Variants in RUNX2 observed in about 807,000 individuals in gnomAD.
The protein encoded by RUNX2 is RUNX family transcription factor 2.
RUNX2 carries 10 observed loss-of-function variants against 51.7 expected under a neutral mutation model. That is an observed-to-expected ratio of 0.19 (90% CI 0.12 to 0.33). The LOEUF (loss-of-function observed/expected upper bound fraction) is 0.33. Ranked by LOEUF, RUNX2 falls within the 10% of genes least tolerant of loss-of-function variation. The pLI, the probability that RUNX2 is intolerant of heterozygous loss-of-function variation, is 1.00. For missense variants in RUNX2, 562 were observed against 691.3 expected, an observed-to-expected ratio of 0.81 and a Z score of 2.10; for synonymous variants, 276 against 273.6, an observed-to-expected ratio of 1.01 and a Z score of -0.09.
At chr6:45,371,387 T>C (rs1188183725) in intron 2 of RUNX2, among the ~76,000 whole-genome samples, 1 of 148,152 alleles carries the variant, frequency 6.7e-6, no homozygotes, top group Non-Finnish European at 1.5e-5. Flanking sequence ...TCACCAGTAT[T>C]AGCTCACTTT....
chr6:45,487,420 C>T (rs1481725483), intron 5 of RUNX2, among the ~76,000 whole-genome samples: 1 of 152,172 alleles, frequency 6.6e-6, no homozygotes, highest in Non-Finnish European at 1.5e-5. Flanking sequence ...TTCTATTGCC[C>T]TTTCATCTCT....
intron 6 of RUNX2, 105 bp downstream of exon 6, chr6:45,492,219 G>A (rs547061679): frequency 7.4e-4 from 787 of 1,056,616 alleles, no homozygotes; most frequent in South Asian, 2.1e-3. Flanking sequence ...GCTGTGAAGC[G>A]GCTTATTATT....
intron 7 of RUNX2, among the ~76,000 whole-genome samples, chr6:45,543,327 C>A (rs1203156180): frequency 6.6e-6 from 1 of 152,120 alleles, no homozygotes; most frequent in Admixed American, 6.5e-5. Context: ...TTCAGCAAAG[C>A]CTAATAGCCG....
chr6:45,511,314 G>A (rs1801139290), intron 6 of RUNX2, among the ~76,000 whole-genome samples: 1 of 152,106 alleles, frequency 6.6e-6, no homozygotes, highest in South Asian at 2.1e-4. Context: ...CTAAACAGCT[G>A]ACTGCCCATT....
At position 45,408,197 on chromosome 6, in the gene RUNX2, G is replaced by A. The variant is rs147271138; in HGVS notation, c.59-14396G>A. Among the ~76,000 whole-genome samples, 421 of 151,258 alleles carry A rather than the reference G, an allele frequency of 2.8e-3. 2 individuals carry two copies. The highest frequency in any genetic ancestry group is 9.2e-3 in the African/African-American group (381 of 41,214). On this transcript the variant is annotated intron_variant, in intron 2 of 8. Coordinates refer to ENST00000647337, the MANE Select transcript of RUNX2 (RefSeq NM_001024630.4). ...TTATTTTTTTTTGAGACAGAGTCTC[G>A]CTCTGTCGCCCAGGCTGGAGTGTAG...
At chr6:45,538,053 C>T (rs1802091418) in intron 7 of RUNX2, among the ~76,000 whole-genome samples, 1 of 152,148 alleles carries the variant, frequency 6.6e-6, no homozygotes, top group South Asian at 2.1e-4. Flanking sequence ...CCTTTAAAAA[C>T]CCTTCTCCAT....
In RUNX2 at chr6:45,549,276, T is replaced by C; in HGVS notation, c.*1971T>C. ...AAGCAGAATTTAGCAGAGATTTGCC[T>C]TCAAACCCTAACGGCCCCCTTGTTC... On this transcript the variant is annotated 3_prime_UTR_variant, in exon 9 of 9. Coordinates refer to ENST00000647337, the MANE Select transcript of RUNX2 (RefSeq NM_001024630.4). The C allele has an allele frequency of 2.5e-6, 1 of 398,508 alleles. No individual in the cohort carries two copies. Among genetic ancestry groups the C allele is most frequent in the East Asian group, 3.6e-5 (1 of 28,046 alleles). The allele number at this position is 398,508 out of a possible 1,614,324, so 24.7% of individuals were successfully genotyped here. A position where few individuals can be genotyped will look rare whatever the true frequency, so the allele number is the denominator to read the frequency against.
intron 3 of RUNX2, among the ~76,000 whole-genome samples, chr6:45,427,144 G>C (rs1005122949): frequency 4.6e-5 from 7 of 152,048 alleles, no homozygotes; most frequent in Admixed American, 2.6e-4. Context: ...AAACTTCTAA[G>C]TAAGGAAGTT....
At chr6:45,539,277 G>A (rs1802145306) in intron 7 of RUNX2, among the ~76,000 whole-genome samples, 1 of 151,676 alleles carries the variant, frequency 6.6e-6, no homozygotes, top group Admixed American at 6.6e-5. Context: ...CTTAGGATCA[G>A]CTAGTTCTTT....
chr6:45,512,450 G>A, intron 7 of RUNX2, 43 bp downstream of exon 7: 1 of 1,605,280 alleles, frequency 6.2e-7, no homozygotes, highest in Non-Finnish European at 8.5e-7. Context: ...CTGCACAGGG[G>A]TCGGGGGGAG....
intron 2 of RUNX2, among the ~76,000 whole-genome samples, chr6:45,338,634 A>G (rs10948229): frequency 0.41 from 62,962 of 151,904 alleles, 13,866 homozygotes; most frequent in Non-Finnish European, 0.5. Flanking sequence ...AAATAATAAT[A>G]CTATCTTTCT....
In RUNX2 at chr6:45,385,464, T is replaced by C. The variant is rs75046906; in HGVS notation, c.59-37129T>C. Among the ~76,000 whole-genome samples, 336 of 152,344 alleles carry C rather than the reference T, an allele frequency of 2.2e-3. 1 individual carries two copies. The East Asian group carries it at 0.028, about 13-fold the overall frequency. ...AACATCCACTCAGATGTGGAACTTA[T>C]CCCTGTTCCTAGGTTTCACCCAAAA... On this transcript the variant is annotated intron_variant, in intron 2 of 8. Transcript: ENST00000647337.
intron 5 of RUNX2, among the ~76,000 whole-genome samples, chr6:45,472,371 T>A (rs1324408134): frequency 6.6e-6 from 1 of 152,208 alleles, no homozygotes; most frequent in Non-Finnish European, 1.5e-5. Context: ...CAGATGTATA[T>A]GATGTTGGAA....
intron 2 of RUNX2, among the ~76,000 whole-genome samples, chr6:45,332,080 A>C (rs1218022961): frequency 1.3e-5 from 2 of 152,008 alleles, no homozygotes; most frequent in East Asian, 3.9e-4. Context: ...CCAATACTTT[A>C]AAGCAGCGCT....
intron 5 of RUNX2, among the ~76,000 whole-genome samples, chr6:45,453,583 CAGAG>C (rs1041359280): frequency 1.3e-5 from 2 of 152,182 alleles, no homozygotes; most frequent in African/African-American, 4.8e-5. Context: ...GTGATAGAGA[CAGAG>C]TGAGAGCTTT....
At chr6:45,401,344 A>C (rs1393297863) in intron 2 of RUNX2, among the ~76,000 whole-genome samples, 2 of 152,228 alleles carry the variant, frequency 1.3e-5, no homozygotes, top group Admixed American at 1.3e-4. Context: ...CATCTTACAC[A>C]TATTTATATA....
intron 3 of RUNX2, among the ~76,000 whole-genome samples, chr6:45,431,357 C>T (rs1001442186): frequency 2.6e-5 from 4 of 152,190 alleles, no homozygotes; most frequent in Non-Finnish European, 4.4e-5. Context: ...ACAGACTACA[C>T]GATATCTAGG....
chr6:45,514,750 C>T (rs1801267225), intron 7 of RUNX2, among the ~76,000 whole-genome samples: 1 of 152,038 alleles, frequency 6.6e-6, no homozygotes, highest in African/African-American at 2.4e-5. Context: ...GGAGTGTGCA[C>T]CATTTCTAAT....
At chr6:45,473,827 G>C (rs1799876329) in intron 5 of RUNX2, among the ~76,000 whole-genome samples, 1 of 152,170 alleles carries the variant, frequency 6.6e-6, no homozygotes, top group African/African-American at 2.4e-5. Context: ...AGGAGTTCTT[G>C]AAAGGAGTCA....
Sources: allele counts gnomAD v4.1 joint callset (sites outside exome capture counted in the v4.1 genomes callset), GRCh38; gene constraint gnomAD v4.1.1; transcripts MANE v1.5; gene names NCBI Gene and HGNC (gene_info 2026-07-23, HGNC 2026-07-21).